The following VHL variants were observed in gnomAD, a reference collection of about 807,000 sequenced individuals.
The protein encoded by VHL is von Hippel-Lindau tumor suppressor.
A neutral mutation model predicts 19.2 loss-of-function variants in VHL; 10 were observed. The ratio of observed to expected loss-of-function variants is 0.52; its 90% CI spans 0.32 to 0.89. The LOEUF (loss-of-function observed/expected upper bound fraction) is 0.89, where lower values mean the gene tolerates loss of function less well. Ranked by LOEUF, VHL falls within the 40% of genes least tolerant of loss-of-function variation. VHL has a pLI of 0.03. For synonymous variants in VHL, 167 were observed against 129.5 expected (o/e 1.29, Z -1.97); for missense variants, 328 against 292.7 (o/e 1.12, Z -0.88).
In VHL at chr3:10,141,940, G is replaced by C. The variant is rs1438911242; in HGVS notation, c.93G>C (p.Glu31Asp). ...EEYGPEEDGG[E>D]ESGAEESGPE... ...ACGGCCCTGAAGAAGACGGCGGGGA[G>C]GAGTCGGGCGCCGAGGAGTCCGGCC... The change falls in exon 1 of 3, where the codon GAG becomes GAC. Residue 31 changes from glutamate to aspartate, a missense_variant. Transcript: ENST00000256474. The C allele has an allele frequency of 1.3e-6, 2 of 1,541,478 alleles. No individual in the cohort carries two copies. Among genetic ancestry groups the C allele is most frequent in the East Asian group, 4.9e-5 (2 of 40,766 alleles).
chr3:10,143,107 G>A (rs1575923623), intron 1 of VHL: 1 of 150,556 alleles, frequency 6.6e-6, no homozygotes, highest in Non-Finnish European at 1.5e-5. Context: ...AGGAATATGG[G>A]GGCACTGAAA....
intron 2 of VHL, among the ~76,000 whole-genome samples, chr3:10,147,548 A>G (rs938997387): frequency 3.3e-5 from 5 of 151,100 alleles, no homozygotes; most frequent in Non-Finnish European, 7.4e-5. Flanking sequence ...TATTTTTAGT[A>G]GAGATGAGGT....
rs574191130 is a variant in VHL, at chr3:10,151,686, C to G, written c.*1721C>G. The G allele has an allele frequency of 2.8e-4, 59 of 211,986 alleles. No individual in the cohort carries two copies. Among genetic ancestry groups the G allele is most frequent in the African/African-American group, 1.2e-3 (52 of 44,342 alleles). The allele number at this position is 211,986 out of a possible 1,614,324, so 13.1% of individuals were successfully genotyped here. A position where few individuals can be genotyped will look rare whatever the true frequency, so the allele number is the denominator to read the frequency against. On this transcript the variant is annotated 3_prime_UTR_variant, in exon 3 of 3. Coordinates refer to ENST00000256474, the MANE Select transcript of VHL (RefSeq NM_000551.4). ...TTTCACAAACATTAGTATAGTCTCC[C>G]TTTTATAATTAATGTTTGTGGGTAT... is the stretch of plus-strand genomic sequence containing the variant.
chr3:10,151,789 G>A lies in VHL; in HGVS notation c.*1824G>A. The A allele has an allele frequency of 4.9e-6, 1 of 202,646 alleles. No homozygotes were observed. The highest frequency in any genetic ancestry group is 1.0e-5 in the Non-Finnish European group (1 of 98,770). 12.6% of individuals were successfully genotyped at this position (202,646 alleles called of 1,614,324 possible). ...TGCTCAAAAATGAGAGTGACGGCTGGCATGGTGGCTCCCGCCTGTAATCCC... is the reference window on the plus strand; with the variant it reads ...TGCTCAAAAATGAGAGTGACGGCTGACATGGTGGCTCCCGCCTGTAATCCC... On this transcript the variant is annotated 3_prime_UTR_variant, in exon 3 of 3. Coordinates refer to ENST00000256474, the MANE Select transcript of VHL (RefSeq NM_000551.4).
In VHL at chr3:10,141,931, C is replaced by G. The variant is rs1198287627; in HGVS notation, c.84C>G (p.Asp28Glu). 6.5e-7 allele frequency: 1 copy of G among 1,539,366 alleles called. No homozygotes were observed. Among genetic ancestry groups the G allele is most frequent in the East Asian group, 2.5e-5 (1 of 40,706 alleles). The change falls in exon 1 of 3, where the codon GAC (aspartate) becomes GAG (glutamate). Residue 28 changes from aspartate to glutamate, a missense_variant. Asp to Glu is a conservative substitution (Grantham distance 45, BLOSUM62 2). Transcript: ENST00000256474. ...TCGAAGAGTACGGCCCTGAAGAAGACGGCGGGGAGGAGTCGGGCGCCGAGG... is the reference window on the plus strand; with the variant it reads ...TCGAAGAGTACGGCCCTGAAGAAGAGGGCGGGGAGGAGTCGGGCGCCGAGG... Reference protein sequence around the residue: ...AGVEEYGPEEDGGEESGAEES... With the variant: ...AGVEEYGPEEEGGEESGAEES...
In VHL at chr3:10,150,093, A is replaced by G. The variant is rs1575932962; in HGVS notation, c.*128A>G. ...TCATTCTCAGAGTAAAATAGGCACC[A>G]TTGCTTAAAAGAAAGTTAACTGACT... On this transcript the variant is annotated 3_prime_UTR_variant, in exon 3 of 3. Coordinates refer to ENST00000256474, the MANE Select transcript of VHL (RefSeq NM_000551.4). 1 of 1,532,978 alleles carries G rather than the reference A, an allele frequency of 6.5e-7. No individual in the cohort carries two copies. Among genetic ancestry groups the G allele is most frequent in the South Asian group, 1.2e-5 (1 of 82,940 alleles). The allele number at this position is 1,532,978 out of a possible 1,614,324, so 95.0% of individuals were successfully genotyped here.
intron 1 of VHL, among the ~76,000 whole-genome samples, chr3:10,144,721 T>C (rs1046091739): frequency 6.6e-6 from 1 of 151,982 alleles, no homozygotes; most frequent in East Asian, 1.9e-4. Context: ...GAGGTCTTGC[T>C]ATGTTGCCCA....
Position 10,142,094 on chromosome 3 carries a change from G to A in VHL, c.247G>A (p.Val83Ile), listed in dbSNP as rs751042065. The change falls in exon 1 of 3, where the codon GTC becomes ATC. Residue 83 changes from valine to isoleucine, a missense_variant. By Grantham distance (29) the Val-to-Ile change is conservative. Coordinates refer to ENST00000256474, the MANE Select transcript of VHL (RefSeq NM_000551.4). ...QVIFCNRSPR[V>I]VLPVWLNFDG... ...CATCTTCTGCAATCGCAGTCCGCGCGTCGTGCTGCCCGTATGGCTCAACTT... is the reference window on the plus strand; with the variant it reads ...CATCTTCTGCAATCGCAGTCCGCGCATCGTGCTGCCCGTATGGCTCAACTT... 6.2e-7 allele frequency: 1 copy of A among 1,604,544 alleles called. No individual in the cohort carries two copies. The highest frequency in any genetic ancestry group is 8.5e-7 in the Non-Finnish European group (1 of 1,179,702).
chr3:10,142,012 G>A lies in VHL; in HGVS notation c.165G>A (p.Glu55=), dbSNP rs1553619391. 13 of 1,589,068 alleles carry A rather than the reference G, an allele frequency of 8.2e-6. No homozygotes were observed. The highest frequency in any genetic ancestry group is 1.1e-5 in the Non-Finnish European group (13 of 1,169,512). The change falls in exon 1 of 3, where the codon GAG becomes GAA. Residue 55 remains glutamate, a synonymous_variant. Coordinates refer to ENST00000256474, the MANE Select transcript of VHL (RefSeq NM_000551.4). ...AACTGGGCGCCGAGGAGGAGATGGAGGCCGGGCGGCCGCGGCCCGTGCTGC... is the reference window on the plus strand; with the variant it reads ...AACTGGGCGCCGAGGAGGAGATGGAAGCCGGGCGGCCGCGGCCCGTGCTGC... The part of the protein sequence containing the change: ...PEELGAEEEM[E]AGRPRPVLRS...
intron 2 of VHL, among the ~76,000 whole-genome samples, chr3:10,147,469 A>T (rs1696290517): frequency 6.6e-6 from 1 of 150,980 alleles, no homozygotes; most frequent in South Asian, 2.1e-4. Context: ...GGTTCAAGTG[A>T]TTCTCCTGCC....
Position 10,151,810 on chromosome 3 carries a change from A to G in VHL, c.*1845A>G, listed in dbSNP as rs993768984. ...GCTGGCATGGTGGCTCCCGCCTGTA[A>G]TCCCAGTACTTTGGAAAGCCAAGGT... On this transcript the variant is annotated 3_prime_UTR_variant, in exon 3 of 3. Coordinates refer to ENST00000256474, the MANE Select transcript of VHL (RefSeq NM_000551.4). 4 of 200,120 alleles carry G rather than the reference A, an allele frequency of 2.0e-5. No individual in the cohort carries two copies. The highest frequency in any genetic ancestry group is 3.1e-5 in the Non-Finnish European group (3 of 97,248). The allele number at this position is 200,120 out of a possible 1,614,324, so 12.4% of individuals were successfully genotyped here. A position where few individuals can be genotyped will look rare whatever the true frequency, so the allele number is the denominator to read the frequency against.
rs762748790 is a variant in VHL, at chr3:10,149,851, G to T, written c.528G>T (p.Arg176Ser). 4.3e-6 allele frequency: 7 copies of T among 1,614,204 alleles called. No homozygotes were observed. Among genetic ancestry groups the T allele is most frequent in the African/African-American group, 1.3e-5 (1 of 75,056 alleles). Residue 176 changes from arginine to serine, a missense_variant, in exon 3 of 3, where the codon AGG becomes AGT. Physicochemically the swap from Arg to Ser is moderately radical, Grantham distance 110. Transcript: ENST00000256474. ...VRSLVKPENYRRLDIVRSLYE... is the reference protein window; with the variant it reads ...VRSLVKPENYSRLDIVRSLYE... ...GCCTAGTCAAGCCTGAGAATTACAG[G>T]AGACTGGACATCGTCAGGTCGCTCT...
chr3:10,145,937 A>C (rs1696244166), intron 1 of VHL, among the ~76,000 whole-genome samples: 1 of 152,050 alleles, frequency 6.6e-6, no homozygotes, highest in Admixed American at 6.6e-5. Flanking sequence ...GGTAGCAGAA[A>C]GGGCATGGGA....
chr3:10,150,185 A>G lies in VHL; in HGVS notation c.*220A>G. Reference sequence around the variant, plus strand: ...GTAATTTAATGCCTGCCCATTAGAGAAGTATTTATCAGGAGAAGGTGGTGG... The same window carrying G: ...GTAATTTAATGCCTGCCCATTAGAGGAGTATTTATCAGGAGAAGGTGGTGG... On this transcript the variant is annotated 3_prime_UTR_variant, in exon 3 of 3. Transcript: ENST00000256474. 1 of 1,407,742 alleles carries G rather than the reference A, an allele frequency of 7.1e-7. No homozygotes were observed. The highest frequency in any genetic ancestry group is 9.3e-7 in the Non-Finnish European group (1 of 1,079,314). The allele number at this position is 1,407,742 out of a possible 1,614,324, so 87.2% of individuals were successfully genotyped here.
rs878854129 is a variant in VHL, at chr3:10,141,918, G to T, written c.71G>T (p.Gly24Val). The change falls in exon 1 of 3, where the codon GGC (glycine) becomes GTC (valine). Residue 24 changes from glycine to valine, a missense_variant. By Grantham distance (109) the Gly-to-Val change is moderately radical (BLOSUM62 -3). Transcript: ENST00000256474. Reference protein sequence around the residue: ...GAEEAGVEEYGPEEDGGEESG... With the variant: ...GAEEAGVEEYVPEEDGGEESG... ...GAGGAGGCAGGCGTCGAAGAGTACG[G>T]CCCTGAAGAAGACGGCGGGGAGGAG... The T allele has an allele frequency of 6.5e-7, 1 of 1,539,664 alleles. No individual in the cohort carries two copies. Among genetic ancestry groups the T allele is most frequent in the Non-Finnish European group, 8.8e-7 (1 of 1,141,490 alleles).
At position 10,144,825 on chromosome 3, in the gene VHL, A is replaced by G. The variant is rs1696217447; in HGVS notation, c.341-1689A>G. Reference sequence around the variant, plus strand: ...TGCACAACGTGCAGGTTTGTTACATATGTATACATGTGCCATGTTGGTGTG... The same window carrying G: ...TGCACAACGTGCAGGTTTGTTACATGTGTATACATGTGCCATGTTGGTGTG... On this transcript the variant is annotated intron_variant, in intron 1 of 2. Transcript: ENST00000256474. Among the ~76,000 whole-genome samples, 3 of 152,110 alleles carry G rather than the reference A, an allele frequency of 2.0e-5. No individual in the cohort carries two copies. In the South Asian group the frequency reaches 6.2e-4, roughly 31 times the overall value.
intron 2 of VHL, among the ~76,000 whole-genome samples, chr3:10,148,280 G>T (rs1428092150): frequency 1.3e-5 from 2 of 151,046 alleles, no homozygotes; most frequent in East Asian, 1.9e-4. Flanking sequence ...TGTAAAATAG[G>T]AATTGGGATA....
Position 10,150,752 on chromosome 3 carries a change from A to G in VHL, c.*787A>G. On this transcript the variant is annotated 3_prime_UTR_variant, in exon 3 of 3. Transcript: ENST00000256474. ...AGCATTTTTGTAACTTGCCATCCGC[A>G]CAGAAAATACGAGAAAATCTGCATG... is the stretch of plus-strand genomic sequence containing the variant. The G allele has an allele frequency of 8.6e-6, 2 of 233,292 alleles. No homozygotes were observed. Among genetic ancestry groups the G allele is most frequent in the East Asian group, 1.2e-4 (2 of 16,572 alleles). 14.5% of individuals were successfully genotyped at this position (233,292 alleles called of 1,614,324 possible).
At position 10,149,994 on chromosome 3, in the gene VHL, A is replaced by T. The variant is rs758765633; in HGVS notation, c.*29A>T. The T allele has an allele frequency of 6.2e-7, 1 of 1,603,756 alleles. No individual in the cohort carries two copies. Among genetic ancestry groups the T allele is most frequent in the Admixed American group, 1.7e-5 (1 of 58,182 alleles). On this transcript the variant is annotated 3_prime_UTR_variant, in exon 3 of 3. Coordinates refer to ENST00000256474, the MANE Select transcript of VHL (RefSeq NM_000551.4). ...TTTCTGTTGAAACTTACACTGTTTC[A>T]TCTCAGCTTTTGATGGTACTGATGA...
Sources: allele counts gnomAD v4.1 joint callset (sites outside exome capture counted in the v4.1 genomes callset), GRCh38; gene constraint gnomAD v4.1.1; transcripts MANE v1.5; gene names NCBI Gene and HGNC (gene_info 2026-07-23, HGNC 2026-07-21).